ADAMTS9: variants seen among roughly 807,000 people sequenced by gnomAD.
The protein encoded by ADAMTS9 is ADAM metallopeptidase with thrombospondin type 1 motif 9, also known as A disintegrin and metalloproteinase with thrombospondin motifs 9.
ADAMTS9 carries 107 observed loss-of-function variants against 257.1 expected under a neutral mutation model. The ratio of observed to expected loss-of-function variants is 0.42; its 90% CI spans 0.36 to 0.49. The LOEUF is 0.49. ADAMTS9 is among the 20% of genes least tolerant of loss of function. The pLI is 0.03. For missense variants in ADAMTS9, 2,353 were observed against 2,469.1 expected (o/e 0.95, Z 1.00); for synonymous variants, 982 against 880.9 (o/e 1.11, Z -2.03).
chr3:64,645,331 A>G (rs1576155580), intron 11 of ADAMTS9, among the ~76,000 whole-genome samples: 1 of 152,210 alleles, frequency 6.6e-6, no homozygotes, highest in East Asian at 1.9e-4. Flanking sequence ...CAGACTCACA[A>G]ATAAGTTTAA....
At chr3:64,642,784 G>A (rs1052070511) in intron 11 of ADAMTS9, among the ~76,000 whole-genome samples, 3 of 152,292 alleles carry the variant, frequency 2.0e-5, no homozygotes, top group South Asian at 2.1e-4. Context: ...GACGCCCCGC[G>A]GCTCGCTCAG....
chr3:64,650,749 C>G, intron 9 of ADAMTS9: 2 of 363,212 alleles, frequency 5.5e-6, no homozygotes, highest in South Asian at 8.4e-5. Context: ...AATCTCAAAA[C>G]TTTACCCAAA....
chr3:64,675,783 T>A (rs917210477), intron 3 of ADAMTS9, among the ~76,000 whole-genome samples: 8 of 152,186 alleles, frequency 5.3e-5, no homozygotes, highest in African/African-American at 1.9e-4. Context: ...TCAACCTCTT[T>A]GAGCTAATTT....
chr3:64,631,965 TAG>T (rs1559801435), intron 14 of ADAMTS9, 40 bp from the exon 15 acceptor site: 1 of 1,453,448 alleles, frequency 6.9e-7, no homozygotes, highest in Non-Finnish European at 9.6e-7. Context: ...GTAAGCATTA[TAG>T]AGATTATAAA....
intron 3 of ADAMTS9, among the ~76,000 whole-genome samples, chr3:64,676,492 C>T (rs78132372): frequency 0.027 from 4,075 of 151,384 alleles, 182 homozygotes; most frequent in African/African-American, 0.091. Context: ...ATTCTGTTTA[C>T]ACACATGTAC....
intron 11 of ADAMTS9, among the ~76,000 whole-genome samples, chr3:64,642,414 T>C (rs1376290988): frequency 6.6e-6 from 1 of 150,376 alleles, no homozygotes; most frequent in African/African-American, 2.5e-5. Flanking sequence ...TAATGCTTTA[T>C]TGCTCCCAAT....
chr3:64,648,827 C>T (rs554241247), intron 10 of ADAMTS9, among the ~76,000 whole-genome samples: 46 of 152,266 alleles, frequency 3.0e-4, no homozygotes, highest in African/African-American at 1.1e-3. Context: ...TTTAACCTTT[C>T]TTTTGCTTGG....
rs934579889 is a variant in ADAMTS9, at chr3:64,657,032, G to A, written c.970-1157C>T. Reference sequence around the variant, plus strand: ...ATACGGGCTTTTCTGGACCCATCTCGAATCGTTCAAAAAAACAGCAATGTG... The same window carrying A: ...ATACGGGCTTTTCTGGACCCATCTCAAATCGTTCAAAAAAACAGCAATGTG... On this transcript the variant is annotated intron_variant, in intron 4 of 39. Transcript: ENST00000498707. 1.4e-4 allele frequency among the ~76,000 whole-genome samples: 22 copies of A among 152,162 alleles called. No individual in the cohort carries two copies. In the East Asian group the frequency reaches 4.1e-3, roughly 28 times the overall value.
At chr3:64,553,890 G>GA (rs1448360141) in intron 30 of ADAMTS9, among the ~76,000 whole-genome samples, 1 of 151,752 alleles carries the variant, frequency 6.6e-6, no homozygotes, top group Non-Finnish European at 1.5e-5. Context: ...TATTCCCCTA[G>GA]AAAAAAAGTG....
At position 64,633,878 on chromosome 3, in the gene ADAMTS9, G is replaced by C. The variant is rs747433668; in HGVS notation, c.1858C>G (p.Pro620Ala). The change falls in exon 13 of 40, where the codon CCA becomes GCA. Residue 620 changes from proline to alanine, a missense_variant and splice_region_variant. Around this residue, in one of 3 missense-constraint regions of ADAMTS9, gnomAD observed 360 missense variants for 458.1 expected, o/e 0.79. Coordinates refer to ENST00000498707, the MANE Select transcript of ADAMTS9 (RefSeq NM_182920.2). ...ACACAGTATTTTCCACCATTTTTTGGTCTGAAAAAGAAAAAATGTGAAGAG... is the reference window on the plus strand; with the variant it reads ...ACACAGTATTTTCCACCATTTTTTGCTCTGAAAAAGAAAAAATGTGAAGAG... ...TAIRECNRPE[P>A]KNGGKYCVGR... 4 of 1,609,730 alleles carry C rather than the reference G, an allele frequency of 2.5e-6. No homozygotes were observed. Among genetic ancestry groups the C allele is most frequent in the Non-Finnish European group, 1.7e-6 (2 of 1,178,446 alleles).
In ADAMTS9 at chr3:64,521,408, T is replaced by A. The variant is rs1051207339; in HGVS notation, c.*5+758A>T. On this transcript the variant is annotated intron_variant, in intron 39 of 39. Coordinates refer to ENST00000498707, the MANE Select transcript of ADAMTS9 (RefSeq NM_182920.2). The stretch of plus-strand genomic sequence containing the variant: ...GAGAGTTCTTAAAGAACTAAAAATA[T>A]AACTACCATTTGACCCAGCAATCCA... The A allele has an allele frequency of 2.0e-5, 3 of 152,126 alleles. No homozygotes were observed. In the South Asian group the frequency reaches 6.2e-4, roughly 32 times the overall value. The allele number at this position is 152,126 out of a possible 1,614,324, so 9.4% of individuals were successfully genotyped here. A position where few individuals can be genotyped will look rare whatever the true frequency, so the allele number is the denominator to read the frequency against.
At position 64,603,963 on chromosome 3, in the gene ADAMTS9, C is replaced by G. The variant is rs1455987325; in HGVS notation, c.3706G>C (p.Val1236Leu). 1 of 1,614,024 alleles carries G rather than the reference C, an allele frequency of 6.2e-7. No homozygotes were observed. The highest frequency in any genetic ancestry group is 2.2e-5 in the East Asian group (1 of 44,850). ...GCCTTCCATTGCCCACAGGGTGTCA[C>G]AGAACATTCTTCCTTTGCCACTGGT... The part of the protein sequence containing the change: ...PRPVAKEECS[V>L]TPCGQWKALD... Residue 1236 changes from valine (V) to leucine (L), a missense_variant, in exon 25 of 40, where the codon GTG becomes CTG. By Grantham distance (32) the Val-to-Leu change is conservative. Transcript: ENST00000498707.
intron 3 of ADAMTS9, among the ~76,000 whole-genome samples, chr3:64,676,455 T>A (rs1701626655): frequency 6.6e-6 from 1 of 152,212 alleles, no homozygotes; most frequent in Non-Finnish European, 1.5e-5. Flanking sequence ...TAATCACTGT[T>A]AATATTTTCA....
At chr3:64,566,959 C>T (rs575087532) in intron 29 of ADAMTS9, among the ~76,000 whole-genome samples, 20 of 151,914 alleles carry the variant, frequency 1.3e-4, no homozygotes, top group South Asian at 4.2e-4. Context: ...AATATGCTCC[C>T]CGAAGGAAGG....
chr3:64,605,832 TTTA>T, intron 23 of ADAMTS9, among the ~76,000 whole-genome samples: 1 of 152,218 alleles, frequency 6.6e-6, no homozygotes, highest in South Asian at 2.1e-4. Context: ...TATATGCTTA[TTTA>T]TTATAAATTT....
At chr3:64,660,534 G>A (rs774054986) in intron 3 of ADAMTS9, among the ~76,000 whole-genome samples, 10 of 152,134 alleles carry the variant, frequency 6.6e-5, no homozygotes, top group Non-Finnish European at 1.0e-4. Flanking sequence ...ACCATTCTGA[G>A]CAGTGTGATG....
intron 3 of ADAMTS9, among the ~76,000 whole-genome samples, chr3:64,669,404 C>T (rs1005002422): frequency 1.3e-5 from 2 of 152,072 alleles, no homozygotes; most frequent in African/African-American, 4.8e-5. Flanking sequence ...CTGGAAAGAA[C>T]ACAGGACTGG....
chr3:64,620,034 T>C (rs1161320255), intron 19 of ADAMTS9, among the ~76,000 whole-genome samples: 1 of 151,952 alleles, frequency 6.6e-6, no homozygotes, highest in Non-Finnish European at 1.5e-5. Flanking sequence ...TTTTTTACAA[T>C]GACTTTTGTC....
chr3:64,544,205 AT>A (rs1318349674), intron 32 of ADAMTS9, among the ~76,000 whole-genome samples: 1 of 152,192 alleles, frequency 6.6e-6, no homozygotes, highest in Non-Finnish European at 1.5e-5. Context: ...TAATTTAAAG[AT>A]TCAATGCCAT....
Sources: allele counts gnomAD v4.1 joint callset (sites outside exome capture counted in the v4.1 genomes callset), GRCh38; gene constraint gnomAD v4.1.1; regional missense constraint gnomAD v4.1.1; transcripts MANE v1.5; gene names NCBI Gene and HGNC (gene_info 2026-07-23, HGNC 2026-07-21).